Variants in GRAMD2B observed in about 807,000 individuals in gnomAD.
GRAMD2B encodes the protein GRAM domain-containing protein 2B.
In GRAMD2B, 41 loss-of-function variants were observed where a neutral mutation model predicts 59.2. The observed-to-expected ratio is 0.69, with a 90% CI of 0.54 to 0.90. GRAMD2B has a LOEUF of 0.90. Ranked by LOEUF, GRAMD2B falls within the 40% of genes least tolerant of loss-of-function variation. The pLI is 0.00. For missense variants in GRAMD2B, 424 were observed against 500.5 expected (o/e 0.85, Z 1.46); for synonymous variants, 161 against 182.7 (o/e 0.88, Z 0.96).
At chr5:126,469,613 C>T in intron 2 of GRAMD2B, 64 bp from the exon 3 acceptor site, 1 of 1,053,794 alleles carries the variant, frequency 9.5e-7, no homozygotes, top group Non-Finnish European at 1.4e-6. Context: ...TCAGCCTGGG[C>T]AACAGAGCAA....
At chr5:126,372,074 A>C (rs1754808878) in intron 1 of GRAMD2B, among the ~76,000 whole-genome samples, 1 of 152,212 alleles carries the variant, frequency 6.6e-6, no homozygotes, top group South Asian at 2.1e-4. Context: ...AGTTTTGGCC[A>C]ATTTCAGAAC....
Position 126,489,422 on chromosome 5 carries a change from C to T in GRAMD2B, c.1257+530C>T, listed in dbSNP as rs138196878. On this transcript the variant is annotated intron_variant, in intron 13 of 13. Transcript: ENST00000285689. ...GTGACACACCTAGAAAGGCAGCAGACGTGAGTCTGCTGAGAGAGCATTAGA... is the reference window on the plus strand; with the variant it reads ...GTGACACACCTAGAAAGGCAGCAGATGTGAGTCTGCTGAGAGAGCATTAGA... Among the ~76,000 whole-genome samples, 17 of 152,256 alleles carry T rather than the reference C, an allele frequency of 1.1e-4. No individual in the cohort carries two copies. The East Asian group carries it at 2.9e-3, about 26-fold the overall frequency.
At chr5:126,402,395 G>A (rs1757917245) in intron 1 of GRAMD2B, among the ~76,000 whole-genome samples, 1 of 152,064 alleles carries the variant, frequency 6.6e-6, no homozygotes, top group South Asian at 2.1e-4. Flanking sequence ...ACCTAGGAAG[G>A]AAATACTACC....
At chr5:126,418,188 A>G (rs1201019853) in intron 1 of GRAMD2B, among the ~76,000 whole-genome samples, 2 of 152,186 alleles carry the variant, frequency 1.3e-5, no homozygotes, top group African/African-American at 2.4e-5. Flanking sequence ...TACAGAACCC[A>G]GCATGAAAAC....
At chr5:126,439,327 G>GATTTT (rs1762916959) in intron 1 of GRAMD2B, among the ~76,000 whole-genome samples, 1 of 126,886 alleles carries the variant, frequency 7.9e-6, no homozygotes, top group African/African-American at 4.2e-5. Context: ...TTTTGGTTTT[G>GATTTT]CTTTTTTTTT....
At chr5:126,463,216 T>C (rs769806840) in intron 1 of GRAMD2B, among the ~76,000 whole-genome samples, 2 of 152,212 alleles carry the variant, frequency 1.3e-5, no homozygotes, top group African/African-American at 4.8e-5. Flanking sequence ...AAAGATGCTG[T>C]ATAGGACAGC....
At chr5:126,409,865 A>G (rs78753004) in intron 1 of GRAMD2B, among the ~76,000 whole-genome samples, 58,736 of 151,520 alleles carry the variant, frequency 0.39, 13,392 homozygotes, top group Non-Finnish European at 0.51. Context: ...TAATTTTTGT[A>G]TAAGGTGTAA....
chr5:126,408,846 C>CA, intron 1 of GRAMD2B, among the ~76,000 whole-genome samples: 1 of 118,514 alleles, frequency 8.4e-6, no homozygotes, highest in African/African-American at 3.2e-5. Context: ...CCCCTCCCCC[C>CA]ACCCGACAAC....
At chr5:126,410,235 G>T (rs12055188) in intron 1 of GRAMD2B, among the ~76,000 whole-genome samples, 2,448 of 151,244 alleles carry the variant, frequency 0.016, 39 homozygotes, top group Admixed American at 0.054. Flanking sequence ...GAACGTCATT[G>T]GTAGCTTGAT....
At chr5:126,455,568 C>A (rs1464670235) in intron 1 of GRAMD2B, among the ~76,000 whole-genome samples, 1 of 152,222 alleles carries the variant, frequency 6.6e-6, no homozygotes, top group Admixed American at 6.5e-5. Flanking sequence ...AAATCTCAAT[C>A]CTTCCACAAT....
chr5:126,365,445 T>G (rs1754398670), intron 1 of GRAMD2B, among the ~76,000 whole-genome samples: 1 of 152,242 alleles, frequency 6.6e-6, no homozygotes, highest in Non-Finnish European at 1.5e-5. Flanking sequence ...TGACAGATAA[T>G]AATGCTATTG....
At chr5:126,376,550 A>G (rs1335278594) in intron 1 of GRAMD2B, among the ~76,000 whole-genome samples, 1 of 152,160 alleles carries the variant, frequency 6.6e-6, no homozygotes. Flanking sequence ...TGCTGTTACA[A>G]AAAGGACAGG....
At chr5:126,455,719 A>G (rs1766162119) in intron 1 of GRAMD2B, among the ~76,000 whole-genome samples, 1 of 152,252 alleles carries the variant, frequency 6.6e-6, no homozygotes, top group South Asian at 2.1e-4. Context: ...AATATAATTT[A>G]CATTTCTAGT....
chr5:126,389,407 A>G (rs1016885960), intron 1 of GRAMD2B, among the ~76,000 whole-genome samples: 1 of 152,186 alleles, frequency 6.6e-6, no homozygotes, highest in African/African-American at 2.4e-5. Context: ...GTGAGCAAGG[A>G]CACCTTGCTT....
intron 1 of GRAMD2B, among the ~76,000 whole-genome samples, chr5:126,464,768 T>TG (rs1561563411): frequency 6.6e-6 from 1 of 152,036 alleles, no homozygotes; most frequent in Admixed American, 6.6e-5. Context: ...AGTAGGTGGT[T>TG]GGGGGGATGA....
intron 1 of GRAMD2B, among the ~76,000 whole-genome samples, chr5:126,427,053 AC>A: frequency 6.6e-6 from 1 of 152,130 alleles, no homozygotes; most frequent in East Asian, 1.9e-4. Context: ...GCGTAGCCAG[AC>A]TTTTTTTGAC....
intron 1 of GRAMD2B, among the ~76,000 whole-genome samples, chr5:126,414,895 G>T (rs1258371652): frequency 1.3e-5 from 2 of 152,012 alleles, no homozygotes; most frequent in African/African-American, 4.8e-5. Context: ...TTTTTTTAAG[G>T]TTTTGCAATT....
intron 1 of GRAMD2B, among the ~76,000 whole-genome samples, chr5:126,407,986 A>G (rs1758405723): frequency 6.6e-6 from 1 of 151,772 alleles, no homozygotes; most frequent in Non-Finnish European, 1.5e-5. Flanking sequence ...CTTGGGGTTC[A>G]TGTGCAGGCT....
At chr5:126,363,255 A>G (rs1236900106) in intron 1 of GRAMD2B, among the ~76,000 whole-genome samples, 1 of 152,192 alleles carries the variant, frequency 6.6e-6, no homozygotes, top group South Asian at 2.1e-4. Flanking sequence ...AATGCAAATC[A>G]AGACCACAAT....
Sources: gnomAD v4.1 joint callset for allele counts (sites outside exome capture counted in the v4.1 genomes callset) on GRCh38, gnomAD v4.1.1 for gene constraint, MANE v1.5 for transcripts, NCBI Gene and HGNC (gene_info 2026-07-23, HGNC 2026-07-21) for gene names.